The following DAB1 variants were observed in gnomAD, a reference collection of about 807,000 sequenced individuals.
The protein encoded by DAB1 is disabled homolog 1.
DAB1 carries 15 observed loss-of-function variants against 64.6 expected under a neutral mutation model. The ratio of observed to expected loss-of-function variants is 0.23; its 90% CI spans 0.16 to 0.36. DAB1 has a LOEUF of 0.36. Among genes scored for constraint, DAB1 ranks in the 10% least tolerant of loss-of-function variants. DAB1 has a pLI of 1.00. For synonymous variants in DAB1, 235 were observed against 251.9 expected, an observed-to-expected ratio of 0.93 and a Z score of 0.64; for missense variants, 596 against 706.7, an observed-to-expected ratio of 0.84 and a Z score of 1.78.
intron 4 of DAB1, among the ~76,000 whole-genome samples, chr1:58,292,308 G>C (rs563550468): frequency 6.6e-6 from 1 of 152,064 alleles, no homozygotes; most frequent in South Asian, 2.1e-4. Context: ...AAGATGGAGA[G>C]ATGCACAGAG....
chr1:57,080,289 T>C (rs892284574), intron 4 of DAB1, among the ~76,000 whole-genome samples: 2 of 152,176 alleles, frequency 1.3e-5, no homozygotes, highest in Admixed American at 6.6e-5. Context: ...TCAGTAAACA[T>C]TTTTATGAAT....
chr1:57,605,444 A>G (rs1432440034), intron 7 of DAB1, among the ~76,000 whole-genome samples: 3 of 152,236 alleles, frequency 2.0e-5, no homozygotes, highest in East Asian at 1.9e-4. Context: ...AAGGACATAC[A>G]GTAAACTATA....
chr1:57,902,156 C>CAAA (rs60082541), intron 5 of DAB1, among the ~76,000 whole-genome samples: 2 of 114,472 alleles, frequency 1.7e-5, no homozygotes, highest in East Asian at 2.8e-4. Context: ...GATCTTGTCT[C>CAAA]AAAAAAAAAA....
intron 6 of DAB1, among the ~76,000 whole-genome samples, chr1:57,796,162 A>G (rs961094944): frequency 5.3e-5 from 8 of 152,142 alleles, no homozygotes; most frequent in African/African-American, 1.4e-4. Context: ...TAAATGTTCA[A>G]TTCACTTTAG....
At chr1:57,116,461 C>CAAA (rs61590002) in intron 4 of DAB1, among the ~76,000 whole-genome samples, 1,572 of 71,944 alleles carry the variant, frequency 0.022, 95 homozygotes, top group Middle Eastern at 0.054. Flanking sequence ...GACTCTGTCT[C>CAAA]AAAAAAAAAA....
intron 9 of DAB1, among the ~76,000 whole-genome samples, chr1:57,033,039 G>T (rs1473495965): frequency 6.6e-6 from 1 of 152,120 alleles, no homozygotes; most frequent in African/African-American, 2.4e-5. Flanking sequence ...GTTACACTGT[G>T]AGCTTCTTTA....
chr1:57,452,268 A>C (rs1335273687), intron 7 of DAB1, among the ~76,000 whole-genome samples: 1 of 147,680 alleles, frequency 6.8e-6, no homozygotes, highest in Non-Finnish European at 1.5e-5. Context: ...CATAAAATTA[A>C]TCTTCTCCTG....
chr1:58,383,261 A>G (rs1457993300), intron 3 of DAB1, among the ~76,000 whole-genome samples: 1 of 152,220 alleles, frequency 6.6e-6, no homozygotes, highest in Non-Finnish European at 1.5e-5. Context: ...TAGTAAGTGC[A>G]TGACAGAGTC....
intron 7 of DAB1, among the ~76,000 whole-genome samples, chr1:57,590,860 A>G (rs1361486111): frequency 1.3e-5 from 2 of 152,012 alleles, no homozygotes; most frequent in Non-Finnish European, 2.9e-5. Flanking sequence ...CAGACCACAA[A>G]GGCAAAAATC....
chr1:57,909,709 T>C (rs1047116516), intron 5 of DAB1, among the ~76,000 whole-genome samples: 14 of 152,230 alleles, frequency 9.2e-5, no homozygotes, highest in African/African-American at 3.4e-4. Flanking sequence ...ATGTAGATTT[T>C]ACTTTCAATG....
intron 2 of DAB1, among the ~76,000 whole-genome samples, chr1:57,194,007 G>A (rs1363983613): frequency 3.3e-5 from 5 of 152,198 alleles, no homozygotes; most frequent in African/African-American, 1.2e-4. Flanking sequence ...TTGGTGTTAT[G>A]GGGCAGTGCT....
intron 1 of DAB1, among the ~76,000 whole-genome samples, chr1:57,351,141 C>T (rs561603848): frequency 4.2e-4 from 64 of 152,246 alleles, no homozygotes; most frequent in African/African-American, 1.4e-3. Context: ...TGGTTCAAAT[C>T]GTTGAGTCAC....
chr1:57,556,236 CAT>C (rs563062516), intron 7 of DAB1, among the ~76,000 whole-genome samples: 129 of 152,256 alleles, frequency 8.5e-4, no homozygotes, highest in Admixed American at 1.5e-3. Context: ...CTGCTGTAAA[CAT>C]GTGTGTAGAA....
chr1:58,317,088 C>T (rs1015190003), intron 4 of DAB1, among the ~76,000 whole-genome samples: 3 of 152,208 alleles, frequency 2.0e-5, no homozygotes, highest in Non-Finnish European at 4.4e-5. Flanking sequence ...AGAGCATTGC[C>T]TTTGCCACAG....
chr1:58,164,439 C>T (rs1441316390), intron 4 of DAB1, among the ~76,000 whole-genome samples: 2 of 152,158 alleles, frequency 1.3e-5, no homozygotes, highest in Admixed American at 1.3e-4. Flanking sequence ...AAACATCTCT[C>T]TGATCTGAAG....
At chr1:57,575,164 T>C (rs1645235998) in intron 7 of DAB1, among the ~76,000 whole-genome samples, 1 of 152,192 alleles carries the variant, frequency 6.6e-6, no homozygotes, top group Non-Finnish European at 1.5e-5. Flanking sequence ...AATAGTCCTG[T>C]GATCTTATGC....
At chr1:58,080,061 T>C (rs921633403) in intron 5 of DAB1, 4 of 152,198 alleles carry the variant, frequency 2.6e-5, no homozygotes, top group African/African-American at 9.7e-5. Context: ...TGCATGTAAA[T>C]GTGGCTTAGC....
chr1:57,551,249 A>G (rs1048521124), intron 7 of DAB1, among the ~76,000 whole-genome samples: 3 of 152,188 alleles, frequency 2.0e-5, no homozygotes, highest in Non-Finnish European at 2.9e-5. Flanking sequence ...ACCACTCAGT[A>G]CATAAGGATT....
rs1570668660 is a variant in DAB1 at position 57,606,616 on chromosome 1, A to AT, written n.625+42975dup. Among the ~76,000 whole-genome samples, 12 of 120,858 alleles carry AT rather than the reference A, an allele frequency of 9.9e-5. No individual in the cohort carries two copies. In the East Asian group the frequency reaches 2.3e-3, roughly 24 times the overall value. 79.3% of individuals were successfully genotyped at this position (120,858 alleles called of 152,430 possible). On this transcript the variant is annotated intron_variant and non_coding_transcript_variant, in intron 7 of 20. Transcript: ENST00000485760. ...ATTATATATTATATATATGAAATAT[A>AT]TAATATATGAAATATATTATATATG...
Sources: gnomAD v4.1 joint callset for allele counts (sites outside exome capture counted in the v4.1 genomes callset) on GRCh38, gnomAD v4.1.1 for gene constraint, MANE v1.5 for transcripts, NCBI Gene and HGNC (gene_info 2026-07-23, HGNC 2026-07-21) for gene names.